KANK1: variants seen among roughly 807,000 people sequenced by gnomAD.
KANK1 encodes KN motif and ankyrin repeat domain-containing protein 1.
KANK1 carries 109 observed loss-of-function variants against 106.2 expected under a neutral mutation model. The ratio of observed to expected loss-of-function variants is 1.03; its 90% confidence interval spans 0.88 to 1.20. The LOEUF is 1.20. Among genes scored for constraint, KANK1 ranks in the 50% most tolerant of loss-of-function variants. KANK1 has a pLI of 0.00. For synonymous variants in KANK1, 873 were observed against 652.2 expected (o/e 1.34, Z -5.16); for missense variants, 2,399 against 1,710.7 (o/e 1.40, Z -7.10).
intron 2 of KANK1, among the ~76,000 whole-genome samples, chr9:694,335 G>A (rs1820699046): frequency 6.6e-6 from 1 of 152,136 alleles, no homozygotes; most frequent in Non-Finnish European, 1.5e-5. Flanking sequence ...CTCTGAACTG[G>A]CACATTTCTT....
At chr9:612,362 A>G (rs1055936387) in intron 1 of KANK1, among the ~76,000 whole-genome samples, 2 of 152,184 alleles carry the variant, frequency 1.3e-5, no homozygotes, top group Non-Finnish European at 1.5e-5. Flanking sequence ...ACTGGGTGTC[A>G]TTATCTCAAC....
chr9:550,213 C>A (rs2061191556), intron 1 of KANK1, among the ~76,000 whole-genome samples: 1 of 152,038 alleles, frequency 6.6e-6, no homozygotes, highest in Admixed American at 6.5e-5. Flanking sequence ...CCTCCCCTCC[C>A]CCCAGGGATA....
At chr9:577,741 C>G in intron 1 of KANK1, among the ~76,000 whole-genome samples, 1 of 152,070 alleles carries the variant, frequency 6.6e-6, no homozygotes, top group South Asian at 2.1e-4. Context: ...GGGTAGGGCC[C>G]AGGAATTTAT....
chr9:501,718 C>G (rs888418239), upstream of KANK1, among the ~76,000 whole-genome samples: 47 of 139,838 alleles, frequency 3.4e-4, no homozygotes, highest in African/African-American at 1.5e-3. Context: ...TTAATTGTTA[C>G]TTTTTAAAAA....
At chr9:625,313 C>T (rs1282621077) in intron 1 of KANK1, among the ~76,000 whole-genome samples, 3 of 152,140 alleles carry the variant, frequency 2.0e-5, no homozygotes, top group Non-Finnish European at 4.4e-5. Context: ...ATCTGTAAGC[C>T]AGAGGTTGAG....
chr9:511,535 G>A (rs1244468717), intron 1 of KANK1, among the ~76,000 whole-genome samples: 1 of 151,210 alleles, frequency 6.6e-6, no homozygotes, highest in Non-Finnish European at 1.5e-5. Context: ...TACTTGTGAG[G>A]ATTGAATGAG....
At chr9:541,013 A>C (rs958265690) in intron 1 of KANK1, among the ~76,000 whole-genome samples, 1 of 152,048 alleles carries the variant, frequency 6.6e-6, no homozygotes, top group Non-Finnish European at 1.5e-5. Context: ...TTGAGGTGTA[A>C]AGTTAAGTGT....
At chr9:618,052 A>G (rs1371562875) in intron 1 of KANK1, among the ~76,000 whole-genome samples, 1 of 152,192 alleles carries the variant, frequency 6.6e-6, no homozygotes, top group Admixed American at 6.5e-5. Context: ...CACACAAGGC[A>G]GTATCTTGAA....
At chr9:640,758 G>A (rs554431067) in intron 1 of KANK1, among the ~76,000 whole-genome samples, 4 of 149,134 alleles carry the variant, frequency 2.7e-5, no homozygotes, top group Non-Finnish European at 5.9e-5. Flanking sequence ...GTACAGTGGT[G>A]CAATCTTGGC....
chr9:744,686 T>C (rs1175863152), intron 11 of KANK1, 97 bp downstream of exon 11: 1 of 1,603,668 alleles, frequency 6.2e-7, no homozygotes, highest in Admixed American at 1.7e-5. Flanking sequence ...GATTTTATGT[T>C]GATTCAGAAA....
rs147711092 is a variant in KANK1 at position 512,049 on chromosome 9, G to T, written c.-84+7295G>T. On this transcript the variant is annotated intron_variant, in intron 1 of 11. Coordinates refer to ENST00000382297, the MANE Select transcript of KANK1 (RefSeq NM_015158.5). ...ACTATTGCCTTAGTGGGAGTAGCTG[G>T]AATGCTGGGCTCAGCAATGACTGTT... 4.9e-3 allele frequency among the ~76,000 whole-genome samples: 753 copies of T among 152,252 alleles called. 8 individuals carry two copies. The highest frequency in any genetic ancestry group is 0.017 in the African/African-American group (720 of 41,534).
chr9:481,333 C>G (rs975483276), intron 3 of KANK1, among the ~76,000 whole-genome samples: 6 of 152,034 alleles, frequency 3.9e-5, no homozygotes, highest in African/African-American at 1.4e-4. Flanking sequence ...CTGGTCTGGC[C>G]AAATAGACCA....
chr9:708,852 G>A (rs1336022558), intron 2 of KANK1, among the ~76,000 whole-genome samples: 2 of 152,240 alleles, frequency 1.3e-5, no homozygotes, highest in South Asian at 2.1e-4. Context: ...GCTTATTAGC[G>A]TGGCTCTGGG....
chr9:597,719 A>C (rs1017409583), intron 1 of KANK1, among the ~76,000 whole-genome samples: 2 of 151,192 alleles, frequency 1.3e-5, no homozygotes, highest in African/African-American at 4.9e-5. Flanking sequence ...GCTGGAGTAC[A>C]GTGGCAAGAT....
At chr9:703,338 G>A (rs1024412336) in intron 2 of KANK1, among the ~76,000 whole-genome samples, 1 of 151,984 alleles carries the variant, frequency 6.6e-6, no homozygotes, top group African/African-American at 2.4e-5. Flanking sequence ...TTAGTGTTAA[G>A]GGTGTTTGGT....
chr9:556,309 C>G (rs1262396193), intron 1 of KANK1, among the ~76,000 whole-genome samples: 1 of 152,072 alleles, frequency 6.6e-6, no homozygotes, highest in East Asian at 1.9e-4. Flanking sequence ...GTGTCTGTAT[C>G]TGATGCAGTT....
At chr9:574,980 A>G (rs1820170444) in intron 1 of KANK1, among the ~76,000 whole-genome samples, 1 of 152,118 alleles carries the variant, frequency 6.6e-6, no homozygotes, top group Non-Finnish European at 1.5e-5. Flanking sequence ...TACATATCAA[A>G]AGCATCTTCT....
chr9:666,617 C>T (rs1194542867), intron 1 of KANK1, among the ~76,000 whole-genome samples: 4 of 151,950 alleles, frequency 2.6e-5, no homozygotes, highest in African/African-American at 9.7e-5. Context: ...GGTATGTTTC[C>T]TCTGTACCCG....
intron 8 of KANK1, among the ~76,000 whole-genome samples, chr9:739,344 A>G (rs1478004767): frequency 1.3e-5 from 2 of 152,212 alleles, no homozygotes; most frequent in African/African-American, 4.8e-5. Context: ...AGAATATGCA[A>G]TCATACTGTC....
Sources: gnomAD v4.1 joint callset for allele counts (sites outside exome capture counted in the v4.1 genomes callset) on GRCh38, gnomAD v4.1.1 for gene constraint, MANE v1.5 for transcripts, NCBI Gene and HGNC (gene_info 2026-07-23, HGNC 2026-07-21) for gene names.